The following UBE2G1 variants were observed in gnomAD, a reference collection of about 807,000 sequenced individuals.
The protein encoded by UBE2G1 is ubiquitin conjugating enzyme E2 G1, also known as ubiquitin-conjugating enzyme E2 G1.
In UBE2G1, 5 loss-of-function variants were observed where a neutral mutation model predicts 22.7. The ratio of observed to expected loss-of-function variants is 0.22; its 90% confidence interval spans 0.12 to 0.46. The LOEUF is 0.46. UBE2G1 is among the 20% of genes least tolerant of loss of function. The probability of loss-of-function intolerance (pLI) is 0.99; values close to 1 mark genes in which losing one functional copy is unlikely to be tolerated. For missense variants in UBE2G1, 88 were observed against 203.9 expected (o/e 0.43, Z 3.46); for synonymous variants, 74 against 67.5 (o/e 1.10, Z -0.47).
rs879719250 is a variant in UBE2G1 at position 4,300,555 on chromosome 17, T to TAATA, written c.150-3745_150-3742dup. Among the ~76,000 whole-genome samples the TAATA allele has an allele frequency of 9.9e-5, 15 of 151,748 alleles. No individual in the cohort carries two copies. In the East Asian group the frequency reaches 2.1e-3, roughly 21 times the overall value. On this transcript the variant is annotated intron_variant, in intron 2 of 5. Transcript: ENST00000396981. Reference sequence around the variant, plus strand: ...AAGACTCTGTCTCCAAAAATAATAATAATAAATAAATAAATAAAATAAAAT... The same window carrying TAATA: ...AAGACTCTGTCTCCAAAAATAATAATAATAAATAAATAAATAAATAAAATAAAAT...
chr17:4,347,151 C>CA (rs748691988), intron 1 of UBE2G1, among the ~76,000 whole-genome samples: 3 of 151,392 alleles, frequency 2.0e-5, no homozygotes, highest in Non-Finnish European at 2.9e-5. Flanking sequence ...TACTCCAGCT[C>CA]AAAAAAATAA....
chr17:4,308,415 C>G (rs1567520021), intron 1 of UBE2G1, among the ~76,000 whole-genome samples: 1 of 151,828 alleles, frequency 6.6e-6, no homozygotes, highest in South Asian at 2.1e-4. Flanking sequence ...ATCCCAGTTA[C>G]TCAGAAGGCT....
chr17:4,310,759 G>A (rs1346994884), intron 1 of UBE2G1, among the ~76,000 whole-genome samples: 1 of 152,158 alleles, frequency 6.6e-6, no homozygotes, highest in African/African-American at 2.4e-5. Flanking sequence ...AAGGCATGAT[G>A]AGAACAAAGA....
At chr17:4,327,148 AG>A (rs955315636) in intron 1 of UBE2G1, among the ~76,000 whole-genome samples, 194 of 151,954 alleles carry the variant, frequency 1.3e-3, no homozygotes, top group African/African-American at 4.5e-3. Flanking sequence ...ATACAAAATT[AG>A]CCAGGCATGG....
intron 1 of UBE2G1, 112 bp downstream of exon 1, chr17:4,366,159 A>T (rs1970032569): frequency 7.0e-6 from 8 of 1,136,252 alleles, no homozygotes; most frequent in Non-Finnish European, 8.1e-6. Flanking sequence ...CCACCCTCGC[A>T]GGCCCGGGCC....
chr17:4,300,033 G>C lies in UBE2G1; in HGVS notation c.150-3219C>G, dbSNP rs137926290. On this transcript the variant is annotated intron_variant, in intron 2 of 5. Transcript: ENST00000396981. ...GTAGAGACGGGGTTTCACTATGTTG[G>C]CCAGGCTGGTCTTGAACTCCTGACC... Among the ~76,000 whole-genome samples the C allele has an allele frequency of 1.3e-3, 200 of 150,724 alleles. 2 individuals carry two copies. In the East Asian group the frequency reaches 0.03, roughly 22 times the overall value.
At chr17:4,337,699 C>A (rs1015038997) in intron 1 of UBE2G1, among the ~76,000 whole-genome samples, 8 of 151,096 alleles carry the variant, frequency 5.3e-5, no homozygotes, top group Non-Finnish European at 1.2e-4. Flanking sequence ...AGAAAAAAAT[C>A]TTTGGTACAC....
intron 4 of UBE2G1, among the ~76,000 whole-genome samples, chr17:4,284,868 A>C (rs1263052409): frequency 9.0e-6 from 1 of 110,664 alleles, no homozygotes; most frequent in African/African-American, 3.8e-5. Context: ...TTTTGGAGAT[A>C]GGGTCTCACT....
chr17:4,349,672 T>A (rs1951098015), intron 1 of UBE2G1, among the ~76,000 whole-genome samples: 1 of 151,700 alleles, frequency 6.6e-6, no homozygotes, highest in South Asian at 2.1e-4. Context: ...TGAAACCCCG[T>A]CTCTACTAAA....
chr17:4,365,128 G>A (rs1483782951), intron 1 of UBE2G1, among the ~76,000 whole-genome samples: 3 of 152,234 alleles, frequency 2.0e-5, no homozygotes, highest in Non-Finnish European at 4.4e-5. Context: ...TTCAAAAACA[G>A]ATTTCATCAC....
intron 2 of UBE2G1, among the ~76,000 whole-genome samples, chr17:4,304,157 G>A (rs1180277409): frequency 6.6e-6 from 1 of 152,120 alleles, no homozygotes; most frequent in Non-Finnish European, 1.5e-5. Flanking sequence ...CACCATGCTT[G>A]ACTTATTTTT....
intron 1 of UBE2G1, among the ~76,000 whole-genome samples, chr17:4,329,109 G>GAAAAAAAAAAAAAAAAAAAAAAAAAAA (rs56962666): frequency 1.1e-5 from 1 of 91,762 alleles, no homozygotes. Flanking sequence ...GTCTCAAAAA[G>GAAAAAAAAAAAAAAAAAAAAAAAAAAA]AAAAAAAAAA....
intron 1 of UBE2G1, among the ~76,000 whole-genome samples, chr17:4,347,687 G>A (rs1440030881): frequency 1.3e-5 from 2 of 151,978 alleles, no homozygotes; most frequent in Non-Finnish European, 2.9e-5. Flanking sequence ...ACGTGGACCA[G>A]GCTGGTCTCA....
chr17:4,296,630 A>T, intron 3 of UBE2G1, 87 bp downstream of exon 3: 1 of 1,333,068 alleles, frequency 7.5e-7, no homozygotes, highest in Non-Finnish European at 1.1e-6. Flanking sequence ...AATTTCACTG[A>T]GAAACAGATC....
At position 4,361,869 on chromosome 17, in the gene UBE2G1, G is replaced by A. The variant is rs146851049; in HGVS notation, c.46+4402C>T. 3.0e-3 allele frequency among the ~76,000 whole-genome samples: 458 copies of A among 150,982 alleles called. 2 individuals carry two copies. Among genetic ancestry groups the A allele is most frequent in the African/African-American group, 0.01 (430 of 41,136 alleles). On this transcript the variant is annotated intron_variant, in intron 1 of 5. Coordinates refer to ENST00000396981, the MANE Select transcript of UBE2G1 (RefSeq NM_003342.5). ...AGGCACAAGAAACGCTTGAACCCGC[G>A]AGGCGGAGGTTGCACTTAGCGGAGA...
chr17:4,366,204 A>G, intron 1 of UBE2G1, 67 bp downstream of exon 1: 1 of 1,465,204 alleles, frequency 6.8e-7, no homozygotes, highest in Non-Finnish European at 9.0e-7. Context: ...CGGGAGGAGA[A>G]GAGGGACTGG....
chr17:4,342,052 C>T (rs1402204571), intron 1 of UBE2G1, among the ~76,000 whole-genome samples: 1 of 152,216 alleles, frequency 6.6e-6, no homozygotes, highest in African/African-American at 2.4e-5. Flanking sequence ...AGTTTATATG[C>T]AATCCATATG....
chr17:4,366,039 G>A (rs1970030700), intron 1 of UBE2G1, among the ~76,000 whole-genome samples: 1 of 152,042 alleles, frequency 6.6e-6, no homozygotes, highest in African/African-American at 2.4e-5. Flanking sequence ...GACCCCCCGG[G>A]CGCCAGGCCC....
intron 3 of UBE2G1, among the ~76,000 whole-genome samples, chr17:4,292,197 G>A (rs1310112319): frequency 3.3e-5 from 5 of 151,164 alleles, no homozygotes; most frequent in African/African-American, 9.7e-5. Flanking sequence ...TTGGTGGCAC[G>A]CACCTGTAAT....
Sources: allele counts gnomAD v4.1 joint callset (sites outside exome capture counted in the v4.1 genomes callset), GRCh38; gene constraint gnomAD v4.1.1; transcripts MANE v1.5; gene names NCBI Gene and HGNC (gene_info 2026-07-23, HGNC 2026-07-21).